ACVR2A: variants seen among roughly 807,000 people sequenced by gnomAD.
The protein encoded by ACVR2A is activin A receptor type 2A.
ACVR2A carries 7 observed loss-of-function variants against 61.4 expected under a neutral mutation model. The observed-to-expected ratio is 0.11, with a 90% confidence interval of 0.06 to 0.21. ACVR2A has a LOEUF of 0.21. Among genes scored for constraint, ACVR2A ranks in the 10% least tolerant of loss-of-function variants. The pLI is 1.00. For missense variants in ACVR2A, 322 were observed against 621.7 expected (o/e 0.52, Z 5.13); for synonymous variants, 193 against 208.3 (o/e 0.93, Z 0.63).
At chr2:147,845,023 TTTTTG>T, upstream of ACVR2A, 2 of 246,954 alleles carry the variant, frequency 8.1e-6, no homozygotes, top group South Asian at 1.6e-4. Context: ...TTTTTTTTTT[TTTTTG>T]GTCTGGGCTT....
chr2:147,918,475 A>G lies in ACVR2A; in HGVS notation c.845A>G (p.Asn282Ser). 1 of 1,611,362 alleles carries G rather than the reference A, an allele frequency of 6.2e-7. No homozygotes were observed. Among genetic ancestry groups the G allele is most frequent in the Non-Finnish European group, 8.5e-7 (1 of 1,178,722 alleles). ...KGSLSDFLKA[N>S]VVSWNELCHI... Reference sequence around the variant, plus strand: ...TCACTATCAGACTTTCTTAAGGCTAATGTGGTCTCTTGGAATGAACTGTGT... The same window carrying G: ...TCACTATCAGACTTTCTTAAGGCTAGTGTGGTCTCTTGGAATGAACTGTGT... Residue 282 changes from asparagine to serine, a missense_variant, in exon 7 of 11, where the codon AAT becomes AGT. Asn to Ser is a conservative substitution (Grantham distance 46, BLOSUM62 1). Around this residue, in one of 3 missense-constraint regions of ACVR2A, gnomAD observed 146 missense variants for 383.8 expected, o/e 0.38. Transcript: ENST00000241416.
intron 5 of ACVR2A, among the ~76,000 whole-genome samples, chr2:147,916,839 T>A (rs189561432): frequency 1.3e-5 from 2 of 151,920 alleles, no homozygotes; most frequent in Non-Finnish European, 2.9e-5. Context: ...TTTTGAAGGA[T>A]GTTTGATATT....
At chr2:147,920,407 C>T (rs1156814239) in intron 8 of ACVR2A, 63 bp downstream of exon 8, 4 of 1,227,510 alleles carry the variant, frequency 3.3e-6, no homozygotes, top group Middle Eastern at 3.8e-4. Flanking sequence ...CTTAGAATGG[C>T]ATGTCAGGAC....
chr2:147,873,463 T>C (rs1242406271), intron 1 of ACVR2A, among the ~76,000 whole-genome samples: 1 of 151,964 alleles, frequency 6.6e-6, no homozygotes, highest in Non-Finnish European at 1.5e-5. Flanking sequence ...TCAATTCATA[T>C]TAGCCACTTT....
chr2:147,898,325 T>G (rs1686793544), intron 2 of ACVR2A: 1 of 152,068 alleles, frequency 6.6e-6, no homozygotes, highest in Non-Finnish European at 1.5e-5. Context: ...AGAATGAAAT[T>G]GAATGGTGAA....
At chr2:147,845,351 C>T in intron 1 of ACVR2A, 144 bp downstream of exon 1, 1 of 413,292 alleles carries the variant, frequency 2.4e-6, no homozygotes, top group Non-Finnish European at 4.1e-6. Flanking sequence ...TGCCACCGCC[C>T]CCCCCCCCCG....
At chr2:147,884,034 G>T (rs1420932692) in intron 1 of ACVR2A, among the ~76,000 whole-genome samples, 1 of 152,100 alleles carries the variant, frequency 6.6e-6, no homozygotes, top group Non-Finnish European at 1.5e-5. Flanking sequence ...TTTTAGGTTG[G>T]TTTTTGCAGG....
At position 147,929,675 on chromosome 2, in the gene ACVR2A, G is replaced by A. The variant is rs1042600702; in HGVS notation, c.*2401G>A. Reference sequence around the variant, plus strand: ...TCTTTTGCAGGGTATTTAGTGTTTGGTTTACAGTCAGTGCAGAGTGGGCAA... The same window carrying A: ...TCTTTTGCAGGGTATTTAGTGTTTGATTTACAGTCAGTGCAGAGTGGGCAA... On this transcript the variant is annotated 3_prime_UTR_variant, in exon 11 of 11. Coordinates refer to ENST00000241416, the MANE Select transcript of ACVR2A (RefSeq NM_001616.5). 1 of 152,076 alleles carries A rather than the reference G, an allele frequency of 6.6e-6. No homozygotes were observed. The highest frequency in any genetic ancestry group is 1.5e-5 in the Non-Finnish European group (1 of 67,910). The allele number at this position is 152,076 out of a possible 1,614,324, so 9.4% of individuals were successfully genotyped here. A position where few individuals can be genotyped will look rare whatever the true frequency, so the allele number is the denominator to read the frequency against.
chr2:147,895,502 A>C (rs1686708524), intron 1 of ACVR2A, among the ~76,000 whole-genome samples: 2 of 152,146 alleles, frequency 1.3e-5, no homozygotes, highest in Non-Finnish European at 2.9e-5. Context: ...TGGGACCCAT[A>C]CAAAGTGCCA....
chr2:147,902,960 T>C (rs2105198032), intron 4 of ACVR2A: 1 of 152,120 alleles, frequency 6.6e-6, no homozygotes, highest in Non-Finnish European at 1.5e-5. Flanking sequence ...AGGGAGACTT[T>C]TTCTCAAAGC....
chr2:147,902,666 G>A (rs1242723654), intron 4 of ACVR2A, among the ~76,000 whole-genome samples: 1 of 151,870 alleles, frequency 6.6e-6, no homozygotes, highest in Non-Finnish European at 1.5e-5. Flanking sequence ...TTTTAGAATA[G>A]GGTTTATAAA....
chr2:147,917,241 T>C (rs1252636665), intron 5 of ACVR2A, 42 bp from the exon 6 acceptor site: 3 of 1,592,576 alleles, frequency 1.9e-6, no homozygotes, highest in Non-Finnish European at 2.6e-6. Flanking sequence ...TTATTAAACC[T>C]GTATTCCTTG....
At chr2:147,906,922 A>G (rs1350218070) in intron 4 of ACVR2A, among the ~76,000 whole-genome samples, 2 of 149,384 alleles carry the variant, frequency 1.3e-5, no homozygotes, top group African/African-American at 2.5e-5. Context: ...TGCTGCACCT[A>G]TCAACCCGTC....
intron 4 of ACVR2A, among the ~76,000 whole-genome samples, chr2:147,904,891 G>A (rs1449132252): frequency 6.6e-6 from 1 of 152,112 alleles, no homozygotes; most frequent in East Asian, 1.9e-4. Flanking sequence ...TATTTAATAT[G>A]CTAATAACAA....
At chr2:147,900,389 G>C (rs1306683286) in intron 4 of ACVR2A, 1 of 152,552 alleles carries the variant, frequency 6.6e-6, no homozygotes, top group Non-Finnish European at 1.5e-5. Context: ...CCATAAAGAT[G>C]TTTTTGTAGG....
At position 147,845,142 on chromosome 2, in the gene ACVR2A, G is replaced by A. The variant is rs758091942; in HGVS notation, c.-11G>A. 2 of 1,612,004 alleles carry A rather than the reference G, an allele frequency of 1.2e-6. No homozygotes were observed. The highest frequency in any genetic ancestry group is 1.7e-6 in the Non-Finnish European group (2 of 1,179,290). On this transcript the variant is annotated 5_prime_UTR_variant, in exon 1 of 11. Coordinates refer to ENST00000241416, the MANE Select transcript of ACVR2A (RefSeq NM_001616.5). ...GAGAACTTCCTCCGGATTCCCCGGC[G>A]CCTCGGGAAAATGGGAGCTGCTGCA...
intron 4 of ACVR2A, among the ~76,000 whole-genome samples, chr2:147,906,818 A>ATTTTTTTTTTTTTTTTT (rs369876665): frequency 8.1e-6 from 1 of 123,420 alleles, no homozygotes; most frequent in African/African-American, 3.0e-5. Context: ...TATCAAGTCC[A>ATTTTTTTTTTTTTTTTT]TTTTTTTTTT....
intron 1 of ACVR2A, among the ~76,000 whole-genome samples, chr2:147,889,686 G>T (rs1329408286): frequency 6.6e-6 from 1 of 152,048 alleles, no homozygotes; most frequent in East Asian, 1.9e-4. Flanking sequence ...GGCGGAGGTT[G>T]CAGTGAGCCG....
At chr2:147,890,188 CAT>C (rs978579538) in intron 1 of ACVR2A, among the ~76,000 whole-genome samples, 3 of 152,108 alleles carry the variant, frequency 2.0e-5, no homozygotes, top group Non-Finnish European at 4.4e-5. Context: ...AAACCCCACA[CAT>C]GTGCATATAC....
Sources: allele counts gnomAD v4.1 joint callset (sites outside exome capture counted in the v4.1 genomes callset), GRCh38; gene constraint gnomAD v4.1.1; regional missense constraint gnomAD v4.1.1; transcripts MANE v1.5; gene names NCBI Gene and HGNC (gene_info 2026-07-23, HGNC 2026-07-21).